Variants in GTF2E2 observed in about 807,000 individuals in gnomAD.
GTF2E2 encodes transcription initiation factor IIE subunit beta.
In GTF2E2, 21 loss-of-function variants were observed where a neutral mutation model predicts 40.5. The observed-to-expected ratio is 0.52, with a 90% CI of 0.37 to 0.75. The LOEUF (loss-of-function observed/expected upper bound fraction) is 0.75. Ranked by LOEUF, GTF2E2 falls within the 30% of genes least tolerant of loss-of-function variation. GTF2E2 has a pLI of 0.00. For missense variants in GTF2E2, 298 were observed against 338.4 expected (o/e 0.88, Z 0.94); for synonymous variants, 117 against 121.6 (o/e 0.96, Z 0.25).
chr8:30,654,478 A>G (rs916364228), intron 1 of GTF2E2, among the ~76,000 whole-genome samples: 1 of 152,006 alleles, frequency 6.6e-6, no homozygotes, highest in South Asian at 2.1e-4. Flanking sequence ...TCATAGCTCA[A>G]TGTAGCCTTG....
rs1486032811 is a variant in GTF2E2 at position 30,578,680 on chromosome 8, C to A, written c.*241G>T. ...AAAACACAGCAAAGACACCTGCATGCCACGCTCAGCGCCTTTCTCCCAGGG... is the reference window on the plus strand; with the variant it reads ...AAAACACAGCAAAGACACCTGCATGACACGCTCAGCGCCTTTCTCCCAGGG... On this transcript the variant is annotated 3_prime_UTR_variant, in exon 8 of 8. Coordinates refer to ENST00000355904, the MANE Select transcript of GTF2E2 (RefSeq NM_002095.6). The A allele has an allele frequency of 8.1e-6, 3 of 369,774 alleles. No homozygotes were observed. The highest frequency in any genetic ancestry group is 1.5e-5 in the Non-Finnish European group (3 of 202,236). 22.9% of individuals were successfully genotyped at this position (369,774 alleles called of 1,614,324 possible). A position where few individuals can be genotyped will look rare whatever the true frequency, so the allele number is the denominator to read the frequency against.
intron 2 of GTF2E2, among the ~76,000 whole-genome samples, chr8:30,642,912 A>G (rs532207990): frequency 1.8e-4 from 28 of 152,326 alleles, no homozygotes; most frequent in African/African-American, 4.6e-4. Context: ...GGACCTGAAA[A>G]TATTTTAAGC....
intron 2 of GTF2E2, chr8:30,645,585 T>C (rs1292306151): frequency 2.0e-6 from 3 of 1,535,596 alleles, no homozygotes; most frequent in East Asian, 2.4e-5. Context: ...AACGTGAAAC[T>C]GAAGTGGTCT....
intron 2 of GTF2E2, chr8:30,645,605 TAGA>T (rs1321051364): frequency 6.6e-7 from 1 of 1,523,152 alleles, no homozygotes. Flanking sequence ...TAACACTCTA[TAGA>T]AGATGAACAA....
chr8:30,656,871 T>C (rs1324207825), intron 1 of GTF2E2: 1 of 150,670 alleles, frequency 6.6e-6, no homozygotes, highest in Non-Finnish European at 1.5e-5. Flanking sequence ...ATGCTTACAG[T>C]ATTTGACCCT....
intron 1 of GTF2E2, among the ~76,000 whole-genome samples, chr8:30,654,400 T>G (rs1802389935): frequency 6.6e-6 from 1 of 152,144 alleles, no homozygotes; most frequent in South Asian, 2.1e-4. Flanking sequence ...TTTTAAAATA[T>G]GGCTATTAAA....
At chr8:30,618,233 G>A (rs1800981408) in intron 3 of GTF2E2, among the ~76,000 whole-genome samples, 1 of 143,646 alleles carries the variant, frequency 7.0e-6, no homozygotes, top group South Asian at 2.2e-4. Context: ...GGAGGCAGAG[G>A]TTGCGGTGAG....
chr8:30,627,044 C>T (rs1801297987), intron 3 of GTF2E2, among the ~76,000 whole-genome samples: 1 of 152,154 alleles, frequency 6.6e-6, no homozygotes, highest in African/African-American at 2.4e-5. Context: ...GATAGAATCA[C>T]ACCACTGATG....
intron 2 of GTF2E2, among the ~76,000 whole-genome samples, chr8:30,651,013 C>CA (rs147244822): frequency 0.65 from 89,530 of 136,966 alleles, 28,435 homozygotes; most frequent in Middle Eastern, 0.73. Flanking sequence ...GACTCCGTCT[C>CA]AAAAAAAAAA....
rs1027576082 is a variant in GTF2E2, at chr8:30,579,008, A to G, written c.789T>C (p.Ala263=). ...TCTTAAAGCGTCGCTTTTTCTGTGA[A>G]GCAGGCTTTTTCCTTCTCTGAATAG... The part of the protein sequence containing the change: ...VAPIQRRKKP[A]SQKKRRFKTH... Residue 263 remains alanine, a synonymous_variant, in exon 8 of 8, where the codon GCT becomes GCC. Transcript: ENST00000355904. The G allele has an allele frequency of 1.2e-6, 2 of 1,607,850 alleles. No individual in the cohort carries two copies. Among genetic ancestry groups the G allele is most frequent in the Middle Eastern group, 1.7e-4 (1 of 6,050 alleles).
At chr8:30,636,209 T>G (rs765204389) in intron 2 of GTF2E2, among the ~76,000 whole-genome samples, 1 of 152,172 alleles carries the variant, frequency 6.6e-6, no homozygotes, top group Non-Finnish European at 1.5e-5. Context: ...AAAAAATCCA[T>G]CATAAATACT....
At chr8:30,648,129 G>T (rs1009221228) in intron 2 of GTF2E2, among the ~76,000 whole-genome samples, 2 of 152,162 alleles carry the variant, frequency 1.3e-5, no homozygotes, top group African/African-American at 4.8e-5. Flanking sequence ...AGGTAAGAAA[G>T]AATATTCCAG....
chr8:30,623,025 A>C (rs1414081063), intron 3 of GTF2E2, among the ~76,000 whole-genome samples: 1 of 152,144 alleles, frequency 6.6e-6, no homozygotes, highest in Non-Finnish European at 1.5e-5. Flanking sequence ...ATTAAAGTAA[A>C]GACAGGCATA....
In GTF2E2 at chr8:30,578,743, T is replaced by A. The variant is rs1828426913; in HGVS notation, c.*178A>T. The A allele has an allele frequency of 1.9e-6, 1 of 532,654 alleles. No homozygotes were observed. The highest frequency in any genetic ancestry group is 3.4e-6 in the Non-Finnish European group (1 of 293,970). The allele number at this position is 532,654 out of a possible 1,614,324, so 33.0% of individuals were successfully genotyped here. On this transcript the variant is annotated 3_prime_UTR_variant, in exon 8 of 8. Coordinates refer to ENST00000355904, the MANE Select transcript of GTF2E2 (RefSeq NM_002095.6). ...TTAACAGGGAACATCACATTGCCCATGAGCCCATTCTACTCAAATAAGCTT... is the reference window on the plus strand; with the variant it reads ...TTAACAGGGAACATCACATTGCCCAAGAGCCCATTCTACTCAAATAAGCTT...
rs139548884 is a variant in GTF2E2 at position 30,645,746 on chromosome 8, T to C, written c.166+7687A>G. 4,223 of 724,078 alleles carry C rather than the reference T, an allele frequency of 5.8e-3. 39 individuals carry two copies. The highest frequency in any genetic ancestry group is 5.8e-3 in the Non-Finnish European group (2,609 of 451,936). 44.9% of individuals were successfully genotyped at this position (724,078 alleles called of 1,614,324 possible). ...TAGAAGGGGAAAAAAAAGTTAAACA[T>C]GCACTGTTTGTGTGTATAGCCATTT... On this transcript the variant is annotated intron_variant, in intron 2 of 7. Coordinates refer to ENST00000355904, the MANE Select transcript of GTF2E2 (RefSeq NM_002095.6).
At chr8:30,628,918 G>A (rs2151142659) in intron 3 of GTF2E2, among the ~76,000 whole-genome samples, 1 of 147,420 alleles carries the variant, frequency 6.8e-6, no homozygotes, top group Admixed American at 6.7e-5. Flanking sequence ...GCAAGAGAGT[G>A]AGACTCCGTC....
intron 6 of GTF2E2, among the ~76,000 whole-genome samples, chr8:30,588,033 C>T (rs545643978): frequency 1.3e-5 from 2 of 152,116 alleles, no homozygotes; most frequent in Non-Finnish European, 2.9e-5. Context: ...CATCACTTCA[C>T]ACCTGTGAGA....
chr8:30,645,597 A>G (rs933733444), intron 2 of GTF2E2: 2 of 1,534,944 alleles, frequency 1.3e-6, no homozygotes, highest in Non-Finnish European at 1.7e-6. Context: ...AAGTGGTCTA[A>G]CACTCTATAG....
intron 2 of GTF2E2, among the ~76,000 whole-genome samples, chr8:30,637,737 G>A (rs754405054): frequency 6.6e-5 from 10 of 152,130 alleles, no homozygotes; most frequent in Non-Finnish European, 1.0e-4. Context: ...TGGCCAGGCT[G>A]GTCTTGAACT....
Sources: gnomAD v4.1 joint callset for allele counts (sites outside exome capture counted in the v4.1 genomes callset) on GRCh38, gnomAD v4.1.1 for gene constraint, MANE v1.5 for transcripts, NCBI Gene and HGNC (gene_info 2026-07-23, HGNC 2026-07-21) for gene names.